The following KDM4C variants were observed in gnomAD, a reference collection of about 807,000 sequenced individuals.
The protein encoded by KDM4C is lysine demethylase 4C, also known as lysine-specific demethylase 4C.
A neutral mutation model predicts 129.3 loss-of-function variants in KDM4C; 81 were observed. That is an observed-to-expected ratio of 0.63 (90% CI 0.52 to 0.75). KDM4C has a LOEUF of 0.75. KDM4C is among the 30% of genes least tolerant of loss of function. The probability of loss-of-function intolerance (pLI) is 0.00; values close to 1 mark genes in which losing one functional copy is unlikely to be tolerated. For missense variants in KDM4C, 1,457 were observed against 1,304.0 expected (o/e 1.12, Z -1.81); for synonymous variants, 573 against 456.1 (o/e 1.26, Z -3.26).
chr9:6,780,076 C>A (rs1040698282), intron 1 of KDM4C, among the ~76,000 whole-genome samples: 2 of 152,134 alleles, frequency 1.3e-5, no homozygotes, highest in Non-Finnish European at 2.9e-5. Context: ...ACCATACATT[C>A]TCTCTAAAGA....
At chr9:7,061,508 G>T (rs1381951204) in intron 17 of KDM4C, among the ~76,000 whole-genome samples, 1 of 151,914 alleles carries the variant, frequency 6.6e-6, no homozygotes, top group Non-Finnish European at 1.5e-5. Flanking sequence ...GGGTCGGATA[G>T]TTAACTTGAA....
intron 11 of KDM4C, among the ~76,000 whole-genome samples, chr9:6,987,818 G>T (rs1305121659): frequency 6.6e-6 from 1 of 151,996 alleles, no homozygotes; most frequent in African/African-American, 2.4e-5. Flanking sequence ...TTGAAAAGGT[G>T]CCTAAGAGTA....
chr9:6,967,313 A>C (rs1036620423), intron 8 of KDM4C, among the ~76,000 whole-genome samples: 2 of 151,522 alleles, frequency 1.3e-5, no homozygotes, highest in Non-Finnish European at 2.9e-5. Flanking sequence ...AATCCCAGCT[A>C]CTCGGGGGGC....
At chr9:6,860,398 T>C (rs1840708287) in intron 5 of KDM4C, among the ~76,000 whole-genome samples, 1 of 152,206 alleles carries the variant, frequency 6.6e-6, no homozygotes, top group African/African-American at 2.4e-5. Context: ...TTAATTAGAC[T>C]ATACTTAGAT....
intron 4 of KDM4C, among the ~76,000 whole-genome samples, chr9:6,825,175 T>C (rs967660922): frequency 1.3e-5 from 2 of 150,086 alleles, no homozygotes; most frequent in Non-Finnish European, 1.5e-5. Flanking sequence ...AAAAGATAGC[T>C]GGATTTTTAT....
intron 4 of KDM4C, among the ~76,000 whole-genome samples, chr9:6,818,340 T>C (rs923404918): frequency 2.0e-5 from 3 of 152,248 alleles, no homozygotes; most frequent in Non-Finnish European, 4.4e-5. Context: ...GTGTATTGTT[T>C]GCTGATTTAT....
chr9:6,805,815 T>A, intron 3 of KDM4C, 41 bp downstream of exon 3: 1 of 1,552,672 alleles, frequency 6.4e-7, no homozygotes, highest in Non-Finnish European at 8.8e-7. Context: ...CCTTCAAAGA[T>A]TTATGTAAAT....
chr9:7,120,048 C>T (rs1489760168), intron 18 of KDM4C, among the ~76,000 whole-genome samples: 3 of 152,104 alleles, frequency 2.0e-5, no homozygotes, highest in Non-Finnish European at 2.9e-5. Flanking sequence ...TTTTTTTAAA[C>T]CCCATCCCAT....
At chr9:6,851,397 T>C (rs904726883) in intron 5 of KDM4C, among the ~76,000 whole-genome samples, 1 of 152,188 alleles carries the variant, frequency 6.6e-6, no homozygotes, top group Non-Finnish European at 1.5e-5. Flanking sequence ...TTTTCAGAAC[T>C]TAGCTTGGAG....
chr9:7,124,191 GCAAATCCCCACACATTGTCCCC>G (rs1839796672), intron 18 of KDM4C, among the ~76,000 whole-genome samples: 1 of 152,170 alleles, frequency 6.6e-6, no homozygotes, highest in Non-Finnish European at 1.5e-5. Flanking sequence ...AGCTTATAAT[GCAAATCCCCACACATTGTCCCC>G]TTGGAGGGCA....
intron 4 of KDM4C, among the ~76,000 whole-genome samples, chr9:6,847,257 C>T (rs1376370733): frequency 6.6e-6 from 1 of 152,056 alleles, no homozygotes; most frequent in Non-Finnish European, 1.5e-5. Context: ...AAATAGGACT[C>T]TATTATTAGA....
rs558846617 is a variant in KDM4C, at chr9:7,038,639, G to A, written c.2260-8223G>A. On this transcript the variant is annotated intron_variant, in intron 15 of 21. Coordinates refer to ENST00000381309, the MANE Select transcript of KDM4C (RefSeq NM_015061.6). ...TATAAACAGAAATGAAATTATAGTC[G>A]TTATATAGTCCTTCTCCATAGATTC... Among the ~76,000 whole-genome samples the A allele has an allele frequency of 5.9e-5, 9 of 151,982 alleles. No homozygotes were observed. The South Asian group carries it at 6.2e-4, about 11-fold the overall frequency.
chr9:6,963,406 G>T (rs1830345758), intron 8 of KDM4C, among the ~76,000 whole-genome samples: 1 of 152,200 alleles, frequency 6.6e-6, no homozygotes, highest in Non-Finnish European at 1.5e-5. Flanking sequence ...CCTCTTACAG[G>T]AAGCCCAGAG....
intron 19 of KDM4C, among the ~76,000 whole-genome samples, chr9:7,149,021 C>G (rs1437233973): frequency 6.6e-6 from 1 of 152,232 alleles, no homozygotes; most frequent in African/African-American, 2.4e-5. Context: ...TCCCTCCCAT[C>G]CCTCCTAATA....
Position 6,785,281 on chromosome 9 carries a change from A to T in KDM4C, c.-17-7691A>T, listed in dbSNP as rs539466651. Among the ~76,000 whole-genome samples, 8 of 150,924 alleles carry T rather than the reference A, an allele frequency of 5.3e-5. No homozygotes were observed. The East Asian group carries it at 1.6e-3, about 29-fold the overall frequency. On this transcript the variant is annotated intron_variant, in intron 1 of 21. Transcript: ENST00000381309. ...CCTTGGCTTGCAGCTGCATGACTCT[A>T]GTCCCTGCCTCCATCTTCACATGGC... is the stretch of plus-strand genomic sequence containing the variant.
At chr9:6,868,005 C>G (rs1227095902) in intron 5 of KDM4C, among the ~76,000 whole-genome samples, 4 of 152,092 alleles carry the variant, frequency 2.6e-5, no homozygotes, top group Admixed American at 2.6e-4. Context: ...CAGAGATTTT[C>G]AAAACTTTCT....
chr9:6,910,430 T>A (rs1381363552), intron 8 of KDM4C, among the ~76,000 whole-genome samples: 1 of 152,122 alleles, frequency 6.6e-6, no homozygotes, highest in African/African-American at 2.4e-5. Context: ...AGAGGCACAA[T>A]TGTGGGTCCC....
At chr9:6,754,747 G>A (rs1015577847), upstream of KDM4C, among the ~76,000 whole-genome samples, 1 of 151,666 alleles carries the variant, frequency 6.6e-6, no homozygotes, top group Non-Finnish European at 1.5e-5. Context: ...GTGGTGGTGT[G>A]CGCTTGTAGT....
At chr9:6,791,198 A>T (rs963110923) in intron 1 of KDM4C, among the ~76,000 whole-genome samples, 2 of 151,746 alleles carry the variant, frequency 1.3e-5, no homozygotes, top group African/African-American at 4.8e-5. Flanking sequence ...TGCAACTTCT[A>T]CCTCCCAGGT....
Sources: allele counts gnomAD v4.1 joint callset (sites outside exome capture counted in the v4.1 genomes callset), GRCh38; gene constraint gnomAD v4.1.1; transcripts MANE v1.5; gene names NCBI Gene and HGNC (gene_info 2026-07-23, HGNC 2026-07-21).